Variants in PLD5 observed in about 807,000 individuals in gnomAD.
PLD5 encodes inactive phospholipase D5.
PLD5 carries 36 observed loss-of-function variants against 61.1 expected under a neutral mutation model. The ratio of observed to expected loss-of-function variants is 0.59; its 90% CI spans 0.45 to 0.78. The LOEUF (loss-of-function observed/expected upper bound fraction) is 0.78, where lower values mean the gene tolerates loss of function less well. Among genes scored for constraint, PLD5 ranks in the 30% least tolerant of loss-of-function variants. The pLI is 0.00. For synonymous variants in PLD5, 243 were observed against 242.8 expected (o/e 1.00, Z -0.01); for missense variants, 515 against 644.4 (o/e 0.80, Z 2.17).
intron 1 of PLD5, among the ~76,000 whole-genome samples, chr1:242,400,324 G>T (rs1663857004): frequency 1.5e-5 from 2 of 130,790 alleles, no homozygotes; most frequent in Non-Finnish European, 3.1e-5. Context: ...AAAAAAGGCT[G>T]GGAATTGCTG....
chr1:242,461,031 C>G lies in PLD5; in HGVS notation c.189+63057G>C, dbSNP rs370494646. Among the ~76,000 whole-genome samples, 18 of 152,166 alleles carry G rather than the reference C, an allele frequency of 1.2e-4. No homozygotes were observed. The East Asian group carries it at 3.1e-3, about 26-fold the overall frequency. On this transcript the variant is annotated intron_variant, in intron 1 of 9. Coordinates refer to ENST00000536534, the MANE Select transcript of PLD5 (RefSeq NM_001372062.1). Reference sequence around the variant, plus strand: ...TGGCATGCACCTGTAGTCCCAGGTACTCAAGAGGCTGAGGCAGGAGAATCA... The same window carrying G: ...TGGCATGCACCTGTAGTCCCAGGTAGTCAAGAGGCTGAGGCAGGAGAATCA...
intron 5 of PLD5, among the ~76,000 whole-genome samples, chr1:242,148,700 T>A (rs1236640520): frequency 6.6e-6 from 1 of 151,994 alleles, no homozygotes; most frequent in Non-Finnish European, 1.5e-5. Flanking sequence ...TTTGTAAGAT[T>A]CATACCTAAA....
intron 1 of PLD5, among the ~76,000 whole-genome samples, chr1:242,394,382 G>GAACA (rs1663247275): frequency 2.2e-5 from 2 of 89,402 alleles, no homozygotes; most frequent in African/African-American, 9.3e-5. Context: ...ATATATGTGT[G>GAACA]TATATATGAG....
At position 242,524,237 on chromosome 1, in the gene PLD5, G is replaced by C. The variant is rs1346672900; in HGVS notation, c.40C>G (p.His14Asp). Residue 14 changes from histidine to aspartate, a missense_variant, in exon 1 of 10, where the codon CAT becomes GAT. This residue lies in a region of PLD5 where 65 missense variants were observed against 46.3 expected (regional missense o/e 1.40). Transcript: ENST00000536534. The stretch of plus-strand genomic sequence containing the variant: ...AGCCTCATCTGCTCGAAGCCCTCAT[G>C]GGGGGAGGCCGAGAGCCACTCGTGC... ...RQHEWLSASP[H>D]EGFEQMRLKS... 4.0e-6 allele frequency: 6 copies of C among 1,513,180 alleles called. No individual in the cohort carries two copies. Among genetic ancestry groups the C allele is most frequent in the South Asian group, 2.4e-5 (2 of 82,602 alleles). 93.7% of individuals were successfully genotyped at this position (1,513,180 alleles called of 1,614,324 possible).
intron 3 of PLD5, among the ~76,000 whole-genome samples, chr1:242,271,167 C>T (rs61538368): frequency 0.021 from 3,072 of 144,934 alleles, 147 homozygotes; most frequent in African/African-American, 0.077. Context: ...TCTCAAAGTA[C>T]ACATGTGCAT....
chr1:242,157,514 G>A (rs1665481933), intron 5 of PLD5, among the ~76,000 whole-genome samples: 1 of 152,166 alleles, frequency 6.6e-6, no homozygotes, highest in Non-Finnish European at 1.5e-5. Context: ...GGTCTTTGAT[G>A]TTGGTGACCT....
At chr1:242,314,974 C>T (rs1299948791) in intron 2 of PLD5, among the ~76,000 whole-genome samples, 2 of 152,188 alleles carry the variant, frequency 1.3e-5, no homozygotes, top group East Asian at 3.8e-4. Context: ...AAATGAAATA[C>T]AACACATAGA....
intron 1 of PLD5, among the ~76,000 whole-genome samples, chr1:242,467,132 T>TGAC: frequency 6.6e-6 from 1 of 152,306 alleles, no homozygotes; most frequent in East Asian, 1.9e-4. Context: ...GTCTGTGAAG[T>TGAC]GACGGATATG....
At chr1:242,198,848 CCA>C in intron 5 of PLD5, among the ~76,000 whole-genome samples, 1 of 152,234 alleles carries the variant, frequency 6.6e-6, no homozygotes, top group East Asian at 1.9e-4. Context: ...GATTCTCCTG[CCA>C]CAGCCTCCTG....
intron 9 of PLD5, among the ~76,000 whole-genome samples, chr1:242,095,565 A>T (rs1231773627): frequency 2.6e-5 from 4 of 152,210 alleles, no homozygotes; most frequent in African/African-American, 4.8e-5. Flanking sequence ...TACATTTTTT[A>T]AAAATTCCTG....
chr1:242,308,582 C>T (rs192005581), intron 2 of PLD5, among the ~76,000 whole-genome samples: 13 of 151,728 alleles, frequency 8.6e-5, no homozygotes, highest in African/African-American at 2.4e-4. Context: ...TATACATATA[C>T]TATATATATC....
At chr1:242,405,602 ACT>A (rs1491128264) in intron 1 of PLD5, among the ~76,000 whole-genome samples, 1 of 118,120 alleles carries the variant, frequency 8.5e-6, no homozygotes, top group Non-Finnish European at 1.7e-5. Flanking sequence ...AATATTTGAT[ACT>A]TTTTTTTTTT....
intron 5 of PLD5, among the ~76,000 whole-genome samples, chr1:242,140,620 G>C (rs1323767936): frequency 6.6e-6 from 1 of 152,142 alleles, no homozygotes; most frequent in Non-Finnish European, 1.5e-5. Flanking sequence ...TTGAGTAAAA[G>C]AGCAAGAACC....
rs982661936 is a variant in PLD5, at chr1:242,087,498, T to C, written c.*2356A>G. 1 of 152,212 alleles carries C rather than the reference T, an allele frequency of 6.6e-6. No homozygotes were observed. The highest frequency in any genetic ancestry group is 6.5e-5 in the Admixed American group (1 of 15,272). The allele number at this position is 152,212 out of a possible 1,614,324, so 9.4% of individuals were successfully genotyped here. On this transcript the variant is annotated 3_prime_UTR_variant, in exon 10 of 10. Coordinates refer to ENST00000536534, the MANE Select transcript of PLD5 (RefSeq NM_001372062.1). ...TAACAAATTTTAGTTTATTTGGTTT[T>C]TTTTTCTCCCTTTAGATGTCCTTTT...
intron 1 of PLD5, among the ~76,000 whole-genome samples, chr1:242,421,067 C>A (rs1459820517): frequency 6.6e-6 from 1 of 150,604 alleles, no homozygotes; most frequent in Non-Finnish European, 1.5e-5. Flanking sequence ...GTAGTCCCAG[C>A]TACTCGGGAG....
At chr1:242,349,873 C>T (rs533811917) in intron 1 of PLD5, among the ~76,000 whole-genome samples, 1 of 152,262 alleles carries the variant, frequency 6.6e-6, no homozygotes, top group South Asian at 2.1e-4. Flanking sequence ...GAGTTTTGCC[C>T]TCATGAATGA....
intron 5 of PLD5, among the ~76,000 whole-genome samples, chr1:242,136,562 G>A (rs919696717): frequency 6.6e-6 from 1 of 152,088 alleles, no homozygotes; most frequent in Non-Finnish European, 1.5e-5. Context: ...CTGAATCCTT[G>A]TCTAATCCTT....
At chr1:242,301,926 T>C (rs1380924236) in intron 2 of PLD5, among the ~76,000 whole-genome samples, 3 of 151,978 alleles carry the variant, frequency 2.0e-5, no homozygotes, top group East Asian at 1.9e-4. Flanking sequence ...TACTAGGGCC[T>C]GCCACCACAC....
rs1178714140 is a variant in PLD5 at position 242,256,978 on chromosome 1, C to A, written c.607+8359G>T. ...CTTCTATCTATATCTATCTACCTAC[C>A]TACCTACCTTCTTTCTATCATCTAT... On this transcript the variant is annotated intron_variant, in intron 4 of 9. Coordinates refer to ENST00000536534, the MANE Select transcript of PLD5 (RefSeq NM_001372062.1). This position sits in a 1 kb window ranked among gnomAD's most constrained non-coding sequence, Gnocchi z 5.7. Among the ~76,000 whole-genome samples, 1 of 151,666 alleles carries A rather than the reference C, an allele frequency of 6.6e-6. No individual in the cohort carries two copies. The highest frequency in any genetic ancestry group is 2.4e-5 in the African/African-American group (1 of 41,272).
Sources: allele counts gnomAD v4.1 joint callset (sites outside exome capture counted in the v4.1 genomes callset), GRCh38; gene constraint gnomAD v4.1.1; regional missense constraint gnomAD v4.1.1; non-coding constraint Gnocchi (gnomAD v3.1); transcripts MANE v1.5; gene names NCBI Gene and HGNC (gene_info 2026-07-23, HGNC 2026-07-21).